GMEB1: variants seen among roughly 807,000 people sequenced by gnomAD.
GMEB1 encodes the protein glucocorticoid modulatory element binding protein 1.
A neutral mutation model predicts 52.4 loss-of-function variants in GMEB1; 6 were observed. The ratio of observed to expected loss-of-function variants is 0.11; its 90% confidence interval spans 0.06 to 0.23. The LOEUF (loss-of-function observed/expected upper bound fraction) is 0.23, where lower values mean the gene tolerates loss of function less well. Among genes scored for constraint, GMEB1 ranks in the 10% least tolerant of loss-of-function variants. The probability of loss-of-function intolerance (pLI) is 1.00; values close to 1 mark genes in which losing one functional copy is unlikely to be tolerated. For missense variants in GMEB1, 486 were observed against 685.6 expected (o/e 0.71, Z 3.25); for synonymous variants, 255 against 244.9 (o/e 1.04, Z -0.38).
intron 6 of GMEB1, among the ~76,000 whole-genome samples, chr1:28,701,333 G>T (rs184405583): frequency 7.3e-6 from 1 of 137,016 alleles, no homozygotes; most frequent in Non-Finnish European, 1.5e-5. Flanking sequence ...CCAGTGGCGC[G>T]ATCTCGGCTC....
At chr1:28,708,587 A>C (rs1329854356) in intron 8 of GMEB1, among the ~76,000 whole-genome samples, 1 of 151,834 alleles carries the variant, frequency 6.6e-6, no homozygotes, top group East Asian at 1.9e-4. Context: ...TCAGCCTCCC[A>C]AGTTGCTGGG....
intron 1 of GMEB1, among the ~76,000 whole-genome samples, chr1:28,674,447 A>G (rs1669047535): frequency 6.6e-6 from 1 of 151,942 alleles, no homozygotes. Context: ...TTCCCCATGT[A>G]CAAAGGCACA....
At position 28,677,398 on chromosome 1, in the gene GMEB1, C is replaced by T. The variant is rs191363227; in HGVS notation, c.-30-6185C>T. Among the ~76,000 whole-genome samples the T allele has an allele frequency of 1.1e-4, 16 of 152,192 alleles. 1 individual carries two copies. In the South Asian group the frequency reaches 2.3e-3, roughly 22 times the overall value. Reference sequence around the variant, plus strand: ...ATTTGTAGCAGAGACAGGGTTTCCCCGTGTTAGCCAGGATGGTCTTGATCT... The same window carrying T: ...ATTTGTAGCAGAGACAGGGTTTCCCTGTGTTAGCCAGGATGGTCTTGATCT... On this transcript the variant is annotated intron_variant, in intron 1 of 9. Transcript: ENST00000373816.
chr1:28,690,325 G>T (rs1669903127), intron 3 of GMEB1, 139 bp downstream of exon 3: 1 of 502,806 alleles, frequency 2.0e-6, no homozygotes, highest in Non-Finnish European at 3.5e-6. Context: ...CAGTACTACA[G>T]CCCTCGATTT....
intron 8 of GMEB1, among the ~76,000 whole-genome samples, chr1:28,707,201 C>T (rs1670824699): frequency 6.7e-6 from 1 of 148,964 alleles, no homozygotes; most frequent in African/African-American, 2.5e-5. Context: ...CCAGCGTGGT[C>T]TAGATCTCCT....
intron 2 of GMEB1, among the ~76,000 whole-genome samples, chr1:28,684,034 T>G (rs1669515655): frequency 6.6e-6 from 1 of 152,038 alleles, no homozygotes; most frequent in Non-Finnish European, 1.5e-5. Flanking sequence ...GACAGAGTCT[T>G]ACTCTGTCAC....
chr1:28,703,170 A>G (rs1236807820), intron 7 of GMEB1, among the ~76,000 whole-genome samples: 4 of 152,188 alleles, frequency 2.6e-5, no homozygotes, highest in African/African-American at 9.6e-5. Context: ...ACTTTGGCAC[A>G]TTTCTTAGAT....
chr1:28,678,579 G>C (rs147105249), intron 1 of GMEB1, among the ~76,000 whole-genome samples: 1 of 152,140 alleles, frequency 6.6e-6, no homozygotes, highest in African/African-American at 2.4e-5. Context: ...AAAGTGCTGG[G>C]ATTACAGGTG....
chr1:28,679,184 T>C (rs1466291450), intron 1 of GMEB1, among the ~76,000 whole-genome samples: 3 of 142,016 alleles, frequency 2.1e-5, no homozygotes, highest in South Asian at 2.2e-4. Flanking sequence ...ACACCTGACC[T>C]TTTTTTTTTT....
At chr1:28,698,396 C>T (rs12042967) in intron 6 of GMEB1, among the ~76,000 whole-genome samples, 55,735 of 151,280 alleles carry the variant, frequency 0.37, 12,172 homozygotes, top group East Asian at 0.76. Context: ...AAAAAGAAGC[C>T]TGGGCATGGT....
intron 2 of GMEB1, among the ~76,000 whole-genome samples, chr1:28,689,036 C>T (rs772585058): frequency 2.6e-5 from 4 of 151,694 alleles, no homozygotes; most frequent in South Asian, 2.1e-4. Flanking sequence ...GGATTACAGG[C>T]GCGCCACCAT....
chr1:28,673,239 A>G (rs987962475), intron 1 of GMEB1, among the ~76,000 whole-genome samples: 1 of 149,990 alleles, frequency 6.7e-6, no homozygotes, highest in African/African-American at 2.5e-5. Context: ...CTTCCCTGCA[A>G]TCATGTGACA....
Position 28,691,620 on chromosome 1 carries a change from A to G in GMEB1, c.247A>G (p.Ile83Val), listed in dbSNP as rs1669968627. The G allele has an allele frequency of 6.4e-7, 1 of 1,573,298 alleles. No homozygotes were observed. Among genetic ancestry groups the G allele is most frequent in the African/African-American group, 1.3e-5 (1 of 74,128 alleles). Residue 83 changes from isoleucine (I) to valine (V), a missense_variant, in exon 4 of 10, where the codon ATT becomes GTT. Around this residue, in one of 5 missense-constraint regions of GMEB1, gnomAD observed 43 missense variants for 117.5 expected, o/e 0.37. Transcript: ENST00000373816. Reference protein sequence around the residue: ...GTIEANEDMEIAYPITCGESK... With the variant: ...GTIEANEDMEVAYPITCGESK... ...TATAGAAGCAAATGAGGATATGGAAATTGCTTACCCCATAACTTGTGGGGA... is the reference window on the plus strand; with the variant it reads ...TATAGAAGCAAATGAGGATATGGAAGTTGCTTACCCCATAACTTGTGGGGA...
intron 1 of GMEB1, among the ~76,000 whole-genome samples, chr1:28,674,536 A>C (rs1293334144): frequency 6.6e-6 from 1 of 151,646 alleles, no homozygotes; most frequent in Non-Finnish European, 1.5e-5. Context: ...CTGAGATTAC[A>C]GACATGGGCC....
At chr1:28,679,221 A>G (rs1669290323) in intron 1 of GMEB1, among the ~76,000 whole-genome samples, 1 of 150,662 alleles carries the variant, frequency 6.6e-6, no homozygotes, top group Non-Finnish European at 1.5e-5. Flanking sequence ...TTTCTTGCCC[A>G]GGCTGGAGTG....
At chr1:28,689,934 T>A (rs1669872971) in intron 2 of GMEB1, 170 bp from the exon 3 acceptor site, 1 of 508,638 alleles carries the variant, frequency 2.0e-6, no homozygotes, top group African/African-American at 2.0e-5. Context: ...TGCTAAGCAA[T>A]CCTGGGAGGT....
At chr1:28,683,483 C>T in intron 1 of GMEB1, 100 bp from the exon 2 acceptor site, 1 of 954,854 alleles carries the variant, frequency 1.0e-6, no homozygotes, top group Non-Finnish European at 1.6e-6. Flanking sequence ...CCTAGCTAGG[C>T]CTCCCAAAGT....
intron 5 of GMEB1, 101 bp from the exon 6 acceptor site, chr1:28,696,826 C>T (rs1670230058): frequency 3.4e-6 from 3 of 879,960 alleles, no homozygotes; most frequent in Non-Finnish European, 5.2e-6. Context: ...CACTAATCTA[C>T]ACAGTAGGCT....
intron 7 of GMEB1, among the ~76,000 whole-genome samples, chr1:28,703,158 C>T (rs922362144): frequency 9.2e-5 from 14 of 152,106 alleles, no homozygotes; most frequent in Non-Finnish European, 1.8e-4. Flanking sequence ...AGACTGCCTC[C>T]AACTTTGGCA....
Sources: allele counts gnomAD v4.1 joint callset (sites outside exome capture counted in the v4.1 genomes callset), GRCh38; gene constraint gnomAD v4.1.1; regional missense constraint gnomAD v4.1.1; transcripts MANE v1.5; gene names NCBI Gene and HGNC (gene_info 2026-07-23, HGNC 2026-07-21).